SLC25A21: variants seen among roughly 807,000 people sequenced by gnomAD.
The protein encoded by SLC25A21 is solute carrier family 25 member 21.
In SLC25A21, 47 loss-of-function variants were observed where a neutral mutation model predicts 43.8. The observed-to-expected ratio is 1.07, with a 90% confidence interval of 0.85 to 1.37. The LOEUF (loss-of-function observed/expected upper bound fraction) is 1.37, where lower values mean the gene tolerates loss of function less well. SLC25A21 is among the 40% of genes most tolerant of loss of function. The pLI is 0.00. For missense variants in SLC25A21, 352 were observed against 350.2 expected (o/e 1.00, Z -0.04); for synonymous variants, 131 against 121.3 (o/e 1.08, Z -0.52).
intron 3 of SLC25A21, among the ~76,000 whole-genome samples, chr14:36,734,824 T>C (rs561325369): frequency 5.3e-4 from 81 of 152,300 alleles, no homozygotes; most frequent in African/African-American, 1.9e-3. Flanking sequence ...AGTTGTACCT[T>C]AACGATGAAT....
At chr14:37,146,092 T>C (rs1364887096) in intron 1 of SLC25A21, among the ~76,000 whole-genome samples, 1 of 152,216 alleles carries the variant, frequency 6.6e-6, no homozygotes, top group Non-Finnish European at 1.5e-5. Flanking sequence ...AATATCTCCC[T>C]ACCATCTTGA....
chr14:36,890,777 T>C (rs1330384660), intron 1 of SLC25A21, among the ~76,000 whole-genome samples: 3 of 152,196 alleles, frequency 2.0e-5, no homozygotes, highest in Non-Finnish European at 4.4e-5. Flanking sequence ...GATGTTCTCT[T>C]TGTTTTGATT....
At chr14:37,133,959 T>G (rs1409062437) in intron 1 of SLC25A21, among the ~76,000 whole-genome samples, 2 of 152,156 alleles carry the variant, frequency 1.3e-5, no homozygotes, top group African/African-American at 2.4e-5. Context: ...TACCATGATA[T>G]CCTCTCATTC....
In SLC25A21 at chr14:36,977,959, A is replaced by ATTT. The variant is rs1207658919; in HGVS notation, c.71-102956_71-102955insAAA. 8.6e-5 allele frequency among the ~76,000 whole-genome samples: 13 copies of ATTT among 151,318 alleles called. No homozygotes were observed. In the East Asian group the frequency reaches 1.8e-3, roughly 21 times the overall value. On this transcript the variant is annotated intron_variant, in intron 1 of 9. Transcript: ENST00000331299. The stretch of plus-strand genomic sequence containing the variant: ...ACAAAGCTTTTTTTTTTTTTTAAAA[A>ATTT]AAAAAAAAGACAATTAGTTTGAACT...
chr14:37,130,103 A>AC (rs5807932), intron 1 of SLC25A21, among the ~76,000 whole-genome samples: 3 of 150,232 alleles, frequency 2.0e-5, no homozygotes, highest in East Asian at 3.9e-4. Context: ...AAAAAAAAAA[A>AC]CAACTTTAAA....
intron 1 of SLC25A21, among the ~76,000 whole-genome samples, chr14:37,037,622 AT>A (rs1961356271): frequency 6.6e-6 from 1 of 151,040 alleles, no homozygotes; most frequent in Non-Finnish European, 1.5e-5. Flanking sequence ...GGTGAATTTG[AT>A]TTCTCCCCTT....
At chr14:37,022,680 A>G (rs1302833507) in intron 1 of SLC25A21, among the ~76,000 whole-genome samples, 1 of 151,938 alleles carries the variant, frequency 6.6e-6, no homozygotes, top group Non-Finnish European at 1.5e-5. Context: ...CTCCTAAAAT[A>G]TTACCCTAAC....
At chr14:37,027,096 C>T (rs1961108901) in intron 1 of SLC25A21, among the ~76,000 whole-genome samples, 1 of 152,096 alleles carries the variant, frequency 6.6e-6, no homozygotes, top group Non-Finnish European at 1.5e-5. Context: ...GCAGGGACAG[C>T]GTGTTTATTG....
intron 3 of SLC25A21, among the ~76,000 whole-genome samples, chr14:36,792,926 C>T (rs983589625): frequency 6.6e-6 from 1 of 152,082 alleles, no homozygotes; most frequent in African/African-American, 2.4e-5. Context: ...TGCTATACCC[C>T]ACATCTTAAA....
intron 1 of SLC25A21, among the ~76,000 whole-genome samples, chr14:37,134,476 A>G (rs6571788): frequency 0.94 from 143,305 of 151,982 alleles, 67,675 homozygotes; most frequent in East Asian, 1. Flanking sequence ...TTCAAGTTCC[A>G]GACTTGAAAG....
intron 1 of SLC25A21, among the ~76,000 whole-genome samples, chr14:36,925,607 G>C (rs150233378): frequency 1.4e-3 from 217 of 152,332 alleles, no homozygotes; most frequent in African/African-American, 4.1e-3. Flanking sequence ...AGCAGTTTGG[G>C]AGGCTGTGGC....
intron 1 of SLC25A21, among the ~76,000 whole-genome samples, chr14:37,078,463 A>C (rs1019442619): frequency 1.1e-4 from 16 of 152,120 alleles, no homozygotes; most frequent in Non-Finnish European, 2.4e-4. Flanking sequence ...AAGGAAGGAG[A>C]GTTCCACTGC....
At chr14:36,835,294 A>G (rs906682201) in intron 2 of SLC25A21, among the ~76,000 whole-genome samples, 9 of 152,218 alleles carry the variant, frequency 5.9e-5, no homozygotes, top group African/African-American at 7.2e-5. Context: ...CTTTCTAACC[A>G]AGTTCATCCT....
chr14:37,157,406 A>G (rs559675175), intron 1 of SLC25A21, among the ~76,000 whole-genome samples: 4 of 152,296 alleles, frequency 2.6e-5, no homozygotes, highest in Admixed American at 2.0e-4. Context: ...TCAGACCACA[A>G]TGGAATAAAA....
intron 1 of SLC25A21, among the ~76,000 whole-genome samples, chr14:37,125,057 G>T (rs1963274164): frequency 6.6e-6 from 1 of 152,168 alleles, no homozygotes; most frequent in African/African-American, 2.4e-5. Flanking sequence ...AACAATACAG[G>T]ATCTGAATGG....
chr14:36,822,184 T>C (rs959460283), intron 2 of SLC25A21, among the ~76,000 whole-genome samples: 7 of 152,244 alleles, frequency 4.6e-5, no homozygotes, highest in Non-Finnish European at 7.3e-5. Context: ...AGCATTGCCT[T>C]TGCTTGTTGC....
At chr14:36,934,307 A>G (rs111828007) in intron 1 of SLC25A21, among the ~76,000 whole-genome samples, 23 of 152,056 alleles carry the variant, frequency 1.5e-4, no homozygotes, top group Non-Finnish European at 2.8e-4. Flanking sequence ...AGGTGAAAAA[A>G]TCTTAGGAAG....
chr14:37,139,556 C>T (rs1208369181), intron 1 of SLC25A21, among the ~76,000 whole-genome samples: 1 of 152,068 alleles, frequency 6.6e-6, no homozygotes, highest in Non-Finnish European at 1.5e-5. Flanking sequence ...AATTTCAAGA[C>T]ATAAAATTTT....
At chr14:36,838,466 T>C (rs758875731) in intron 2 of SLC25A21, among the ~76,000 whole-genome samples, 2 of 152,180 alleles carry the variant, frequency 1.3e-5, no homozygotes, top group Non-Finnish European at 2.9e-5. Flanking sequence ...TGTGTATCTT[T>C]TGCTAAATAA....
Sources: gnomAD v4.1 joint callset for allele counts (sites outside exome capture counted in the v4.1 genomes callset) on GRCh38, gnomAD v4.1.1 for gene constraint, MANE v1.5 for transcripts, NCBI Gene and HGNC (gene_info 2026-07-23, HGNC 2026-07-21) for gene names.